Variants in POU4F1 observed in about 807,000 individuals in gnomAD.
The protein encoded by POU4F1 is POU domain, class 4, transcription factor 1.
In POU4F1, 5 loss-of-function variants were observed where a neutral mutation model predicts 19.8. The observed-to-expected ratio is 0.25, with a 90% confidence interval of 0.13 to 0.53. POU4F1 has a LOEUF of 0.53. Among genes scored for constraint, POU4F1 ranks in the 20% least tolerant of loss-of-function variants. POU4F1 has a pLI of 0.96. For synonymous variants in POU4F1, 266 were observed against 247.7 expected (o/e 1.07, Z -0.69); for missense variants, 408 against 511.6 (o/e 0.80, Z 1.95).
In POU4F1 at chr13:78,603,462, G is replaced by GCTGCTGCTGCTC. The variant is rs1874796023; in HGVS notation, c.-148_-137dup. Reference sequence around the variant, plus strand: ...GCTGGCGGCGGCCCCGCCGCGGGCTGCTGCTGCTGCTCCTGCTGCTGCCAG... The same window carrying GCTGCTGCTGCTC: ...GCTGGCGGCGGCCCCGCCGCGGGCTGCTGCTGCTGCTCCTGCTGCTGCTCCTGCTGCTGCCAG... On this transcript the variant is annotated 5_prime_UTR_variant, in exon 1 of 2. Transcript: ENST00000377208. 4 of 1,270,258 alleles carry GCTGCTGCTGCTC rather than the reference G, an allele frequency of 3.1e-6. No individual in the cohort carries two copies. The highest frequency in any genetic ancestry group is 4.4e-5 in the Admixed American group (1 of 22,792). The allele number at this position is 1,270,258 out of a possible 1,614,324, so 78.7% of individuals were successfully genotyped here. A position where few individuals can be genotyped will look rare whatever the true frequency, so the allele number is the denominator to read the frequency against.
chr13:78,603,434 G>A lies in POU4F1; in HGVS notation c.-108C>T. The A allele has an allele frequency of 1.5e-6, 2 of 1,356,742 alleles. No homozygotes were observed. Among genetic ancestry groups the A allele is most frequent in the Non-Finnish European group, 1.9e-6 (2 of 1,052,926 alleles). The allele number at this position is 1,356,742 out of a possible 1,614,324, so 84.0% of individuals were successfully genotyped here. ...GGAGGCTGCAGCCGCGGCGGTCGCG[G>A]CGGCTGGCGGCGGCCCCGCCGCGGG... On this transcript the variant is annotated 5_prime_UTR_variant, in exon 1 of 2. Transcript: ENST00000377208.
In POU4F1 at chr13:78,598,428, A is replaced by G. The variant is rs980943388; in HGVS notation, c.*2987T>C. ...AAGTCAATAACAGCAAAAACAAATC[A>G]ACTTTTTATGGAAGAGTTCTATGTT... On this transcript the variant is annotated 3_prime_UTR_variant, in exon 2 of 2. Coordinates refer to ENST00000377208, the MANE Select transcript of POU4F1 (RefSeq NM_006237.4). 6.6e-6 allele frequency: 1 copy of G among 152,022 alleles called. No homozygotes were observed. The highest frequency in any genetic ancestry group is 2.4e-5 in the African/African-American group (1 of 41,428). The allele number at this position is 152,022 out of a possible 1,614,324, so 9.4% of individuals were successfully genotyped here.
Position 78,603,235 on chromosome 13 carries a change from G to A in POU4F1, c.92C>T (p.Ala31Val). ...KYPSLHSSSE[A>V]IRRACLPTPP... ...CGTGGGCAGGCAGGCCCGCCGGATGGCCTCGGAGCTGGAGTGCAGCGACGG... is the reference window on the plus strand; with the variant it reads ...CGTGGGCAGGCAGGCCCGCCGGATGACCTCGGAGCTGGAGTGCAGCGACGG... Residue 31 changes from alanine to valine, a missense_variant, in exon 1 of 2, where the codon GCC (alanine) becomes GTC (valine). Physicochemically the swap from Ala to Val is moderately conservative, Grantham distance 64. Transcript: ENST00000377208. 1.9e-6 allele frequency: 3 copies of A among 1,556,814 alleles called. No homozygotes were observed. Among genetic ancestry groups the A allele is most frequent in the Non-Finnish European group, 2.6e-6 (3 of 1,153,192 alleles).
rs1555286145 is a variant in POU4F1 at position 78,598,493 on chromosome 13, A to G, written c.*2922T>C. 1.3e-5 allele frequency: 2 copies of G among 152,172 alleles called. No homozygotes were observed. The highest frequency in any genetic ancestry group is 6.5e-5 in the Admixed American group (1 of 15,274). The allele number at this position is 152,172 out of a possible 1,614,324, so 9.4% of individuals were successfully genotyped here. A position where few individuals can be genotyped will look rare whatever the true frequency, so the allele number is the denominator to read the frequency against. The stretch of plus-strand genomic sequence containing the variant: ...GTGCTTTTTTTTTTTAACATTAACA[A>G]CTGTTTAAAATCGCAGCTTTTAAAA... On this transcript the variant is annotated 3_prime_UTR_variant, in exon 2 of 2. Transcript: ENST00000377208.
rs909548572 is a variant in POU4F1 at position 78,600,219 on chromosome 13, G to A, written c.*1196C>T. ...AAGAGCAAGATGAGTCTCGTTCAGT[G>A]GAGAAAACAGGAGAGAGTATCTCTC... On this transcript the variant is annotated 3_prime_UTR_variant, in exon 2 of 2. Transcript: ENST00000377208. The A allele has an allele frequency of 1.3e-5, 2 of 152,038 alleles. No individual in the cohort carries two copies. The highest frequency in any genetic ancestry group is 2.9e-5 in the Non-Finnish European group (2 of 68,032). The allele number at this position is 152,038 out of a possible 1,614,324, so 9.4% of individuals were successfully genotyped here. A position where few individuals can be genotyped will look rare whatever the true frequency, so the allele number is the denominator to read the frequency against.
intron 1 of POU4F1, 59 bp downstream of exon 1, chr13:78,603,145 G>C: frequency 7.9e-7 from 1 of 1,261,980 alleles, no homozygotes; most frequent in Non-Finnish European, 1.0e-6. Context: ...GACATGCAGC[G>C]TTTCGGAGAC....
At position 78,601,284 on chromosome 13, in the gene POU4F1, C is replaced by CG; in HGVS notation, c.*130dup. On this transcript the variant is annotated 3_prime_UTR_variant, in exon 2 of 2. Transcript: ENST00000377208. Reference sequence around the variant, plus strand: ...CAGAGAATGGGTGGAGGAAAGAGAGCGAGAAGGGACTCCCCAAATGCAGGC... The same window carrying CG: ...CAGAGAATGGGTGGAGGAAAGAGAGCGGAGAAGGGACTCCCCAAATGCAGGC... 3 of 1,412,718 alleles carry CG rather than the reference C, an allele frequency of 2.1e-6. No individual in the cohort carries two copies. In the South Asian group the frequency reaches 4.3e-5, roughly 20 times the overall value. The allele number at this position is 1,412,718 out of a possible 1,614,324, so 87.5% of individuals were successfully genotyped here.
At position 78,603,533 on chromosome 13, in the gene POU4F1, C is replaced by G. The variant is rs1159391971; in HGVS notation, c.-207G>C. 1.4e-6 allele frequency: 1 copy of G among 711,934 alleles called. No individual in the cohort carries two copies. Among genetic ancestry groups the G allele is most frequent in the Admixed American group, 5.2e-5 (1 of 19,416 alleles). The allele number at this position is 711,934 out of a possible 1,614,324, so 44.1% of individuals were successfully genotyped here. A position where few individuals can be genotyped will look rare whatever the true frequency, so the allele number is the denominator to read the frequency against. ...GAGCGCCGCGCGCCGGCCTCGCGGT[C>G]CCGCTTCTCCGACAGCTCTAGCCCC... is the stretch of plus-strand genomic sequence containing the variant. On this transcript the variant is annotated 5_prime_UTR_variant, in exon 1 of 2. Transcript: ENST00000377208.
chr13:78,601,879 G>C lies in POU4F1; in HGVS notation c.796C>G (p.Arg266Gly). ...CGCTCCGCGAACGCCTCGAGCTCGC[G>C]CGGGTCCGTGTCCGAGTCGCAGATG... The part of the protein sequence containing the change: ...ASICDSDTDP[R>G]ELEAFAERFK... The change falls in exon 2 of 2, where the codon CGC becomes GGC. Residue 266 changes from arginine to glycine, a missense_variant. Arg to Gly is a moderately radical substitution (Grantham distance 125, BLOSUM62 -2). Transcript: ENST00000377208. 2 of 1,576,052 alleles carry C rather than the reference G, an allele frequency of 1.3e-6. No individual in the cohort carries two copies. The highest frequency in any genetic ancestry group is 1.7e-6 in the Non-Finnish European group (2 of 1,167,800).
chr13:78,602,429 G>T lies in POU4F1; in HGVS notation c.246C>A (p.Tyr82Ter). The change falls in exon 2 of 2, where the codon TAC (tyrosine) becomes TAA (stop). Residue 82 changes from tyrosine to a stop codon, truncating the protein, a stop_gained. Transcript: ENST00000377208. LOFTEE classifies it high-confidence loss of function. Reference sequence around the variant, plus strand: ...TGCACGGCACGCTGTTCATCGTGTGGTACGTGGCGTCCGGCTTGAAAGGAT... The same window carrying T: ...TGCACGGCACGCTGTTCATCGTGTGTTACGTGGCGTCCGGCTTGAAAGGAT... ...KSHPFKPDAT[Y>*]HTMNSVPCTS... 6.3e-7 allele frequency: 1 copy of T among 1,591,460 alleles called. No homozygotes were observed.
At position 78,603,240 on chromosome 13, in the gene POU4F1, G is replaced by A. The variant is rs763500531; in HGVS notation, c.87C>T (p.Ser29=). 1 of 1,560,676 alleles carries A rather than the reference G, an allele frequency of 6.4e-7. No homozygotes were observed. The highest frequency in any genetic ancestry group is 8.7e-7 in the Non-Finnish European group (1 of 1,155,322). ...GCAGGCAGGCCCGCCGGATGGCCTC[G>A]GAGCTGGAGTGCAGCGACGGGTACT... ...EHKYPSLHSS[S]EAIRRACLPT... The change falls in exon 1 of 2, where the codon TCC becomes TCT. Residue 29 remains serine (S), a synonymous_variant. Transcript: ENST00000377208.
rs1336688268 is a variant in POU4F1 at position 78,598,419 on chromosome 13, A to G, written c.*2996T>C. On this transcript the variant is annotated 3_prime_UTR_variant, in exon 2 of 2. Transcript: ENST00000377208. Reference sequence around the variant, plus strand: ...TGATGTTTCAAGTCAATAACAGCAAAAACAAATCAACTTTTTATGGAAGAG... The same window carrying G: ...TGATGTTTCAAGTCAATAACAGCAAGAACAAATCAACTTTTTATGGAAGAG... 2.0e-5 allele frequency: 3 copies of G among 152,216 alleles called. No individual in the cohort carries two copies. Among genetic ancestry groups the G allele is most frequent in the African/African-American group, 7.2e-5 (3 of 41,468 alleles). The allele number at this position is 152,216 out of a possible 1,614,324, so 9.4% of individuals were successfully genotyped here. A position where few individuals can be genotyped will look rare whatever the true frequency, so the allele number is the denominator to read the frequency against.
In POU4F1 at chr13:78,603,254, G is replaced by A. The variant is rs572844027; in HGVS notation, c.73C>T (p.Leu25=). 1.3e-6 allele frequency: 2 copies of A among 1,574,302 alleles called. No individual in the cohort carries two copies. Among genetic ancestry groups the A allele is most frequent in the Admixed American group, 1.8e-5 (1 of 55,172 alleles). ...CGGATGGCCTCGGAGCTGGAGTGCA[G>A]CGACGGGTACTTGTGCTCAGGGAGG... ...PTLPEHKYPS[L]HSSSEAIRRA... The change falls in exon 1 of 2, where the codon CTG becomes TTG. Residue 25 remains leucine, a synonymous_variant. Transcript: ENST00000377208.
In POU4F1 at chr13:78,601,978, CCGCTGCCGCTGCCGCGCCGTGGTG is replaced by C; in HGVS notation, c.673_696del (p.His225_Ala232del). The stretch of plus-strand genomic sequence containing the variant: ...GCCACCTGCCCGGCCGCCGCCGCCG[CCGCTGCCGCTGCCGCGCCGTGGTG>C]CGCCGCCGCCGCCACCAGCCCGGGG... On this transcript the variant is annotated inframe_deletion, in exon 2 of 2. Transcript: ENST00000377208. The C allele has an allele frequency of 3.0e-6, 3 of 993,460 alleles. No homozygotes were observed. Among genetic ancestry groups the C allele is most frequent in the Non-Finnish European group, 2.4e-6 (2 of 831,978 alleles). The allele number at this position is 993,460 out of a possible 1,614,324, so 61.5% of individuals were successfully genotyped here.
At position 78,601,636 on chromosome 13, in the gene POU4F1, G is replaced by T. The variant is rs376544811; in HGVS notation, c.1039C>A (p.Pro347Thr). The T allele has an allele frequency of 6.8e-6, 11 of 1,613,746 alleles. No homozygotes were observed. The highest frequency in any genetic ancestry group is 8.5e-6 in the Non-Finnish European group (10 of 1,179,990). ...EGAQREKMNK[P>T]ELFNGGEKKR... is the part of the protein sequence containing the mutation. ...TTCTCGCCGCCGTTGAAGAGCTCAG[G>T]CTTGTTCATTTTCTCGCGCTGGGCG... The change falls in exon 2 of 2, where the codon CCT becomes ACT. Residue 347 changes from proline (P) to threonine (T), a missense_variant. Around this residue, in one of 4 missense-constraint regions of POU4F1, gnomAD observed 39 missense variants for 36.8 expected, o/e 1.06. Transcript: ENST00000377208.
In POU4F1 at chr13:78,601,808, C is replaced by G; in HGVS notation, c.867G>C (p.Val289=). 1 of 1,612,110 alleles carries G rather than the reference C, an allele frequency of 6.2e-7. No individual in the cohort carries two copies. Among genetic ancestry groups the G allele is most frequent in the South Asian group, 1.1e-5 (1 of 90,968 alleles). Residue 289 remains valine, a synonymous_variant, in exon 2 of 2, where the codon GTG becomes GTC. Coordinates refer to ENST00000377208, the MANE Select transcript of POU4F1 (RefSeq NM_006237.4). Reference sequence around the variant, plus strand: ...TCTTGAGGTTGGCCAGCGCCGAGCCCACGTCGGCCTGCGTCACGCCCAGCT... The same window carrying G: ...TCTTGAGGTTGGCCAGCGCCGAGCCGACGTCGGCCTGCGTCACGCCCAGCT... ...RIKLGVTQAD[V]GSALANLKIP... is the part of the protein sequence containing the mutation.
chr13:78,602,244 T>C lies in POU4F1; in HGVS notation c.431A>G (p.His144Arg). The C allele has an allele frequency of 4.1e-6, 4 of 972,090 alleles. No homozygotes were observed. Among genetic ancestry groups the C allele is most frequent in the South Asian group, 4.6e-5 (1 of 21,646 alleles). 60.2% of individuals were successfully genotyped at this position (972,090 alleles called of 1,614,324 possible). ...GCCGCCACCGCCCCCCGGGCCGTCG[T>C]GGGCGCCGCCGCCGCCGGCCGCCGC... is the stretch of plus-strand genomic sequence containing the variant. ...AGAAAGGGGA[H>R]DGPGGGGGPG... The change falls in exon 2 of 2, where the codon CAC becomes CGC. Residue 144 changes from histidine to arginine, a missense_variant. By Grantham distance (29) the His-to-Arg change is conservative. Coordinates refer to ENST00000377208, the MANE Select transcript of POU4F1 (RefSeq NM_006237.4).
In POU4F1 at chr13:78,603,228, C is replaced by T; in HGVS notation, c.99G>A (p.Arg33=). 1 of 1,554,052 alleles carries T rather than the reference C, an allele frequency of 6.4e-7. No homozygotes were observed. Residue 33 remains arginine (R), a synonymous_variant, in exon 1 of 2, where the codon CGG becomes CGA. Transcript: ENST00000377208. ...CCGGCGGCGTGGGCAGGCAGGCCCG[C>T]CGGATGGCCTCGGAGCTGGAGTGCA... ...PSLHSSSEAI[R]RACLPTPPLQ... is the part of the protein sequence containing the mutation.
In POU4F1 at chr13:78,600,690, A is replaced by G. The variant is rs1874656253; in HGVS notation, c.*725T>C. ...TCTCATTGGAACGGAGGAAATAAAGAGGATATGGATGGGGTGGAGGTGAGA... is the reference window on the plus strand; with the variant it reads ...TCTCATTGGAACGGAGGAAATAAAGGGGATATGGATGGGGTGGAGGTGAGA... On this transcript the variant is annotated 3_prime_UTR_variant, in exon 2 of 2. Coordinates refer to ENST00000377208, the MANE Select transcript of POU4F1 (RefSeq NM_006237.4). 6.6e-6 allele frequency: 1 copy of G among 152,300 alleles called. No individual in the cohort carries two copies. The highest frequency in any genetic ancestry group is 6.5e-5 in the Admixed American group (1 of 15,282). The allele number at this position is 152,300 out of a possible 1,614,324, so 9.4% of individuals were successfully genotyped here. A position where few individuals can be genotyped will look rare whatever the true frequency, so the allele number is the denominator to read the frequency against.
Sources: allele counts gnomAD v4.1 joint callset, GRCh38; gene constraint gnomAD v4.1.1; regional missense constraint gnomAD v4.1.1; transcripts MANE v1.5; gene names NCBI Gene and HGNC (gene_info 2026-07-23, HGNC 2026-07-21).